Variants in PDE4D observed in about 807,000 individuals in gnomAD.
PDE4D encodes phosphodiesterase 4D.
Under a neutral mutation model 87.4 loss-of-function variants are expected in PDE4D, and 24 were observed. The observed-to-expected ratio is 0.27, with a 90% CI of 0.20 to 0.39. PDE4D has a LOEUF of 0.39. Among genes scored for constraint, PDE4D ranks in the 10% least tolerant of loss-of-function variants. The pLI, the probability that PDE4D is intolerant of heterozygous loss-of-function variation, is 1.00. For missense variants in PDE4D, 714 were observed against 1,041.0 expected (o/e 0.69, Z 4.32); for synonymous variants, 384 against 383.2 (o/e 1.00, Z -0.02).
At chr5:60,241,050 T>A (rs907924408) in intron 1 of PDE4D, among the ~76,000 whole-genome samples, 2 of 151,998 alleles carry the variant, frequency 1.3e-5, no homozygotes, top group South Asian at 4.1e-4. Flanking sequence ...AAACCAAACC[T>A]GGGAAACAGA....
intron 2 of PDE4D, among the ~76,000 whole-genome samples, chr5:60,061,944 A>G (rs974274632): frequency 1.1e-4 from 16 of 152,316 alleles, no homozygotes; most frequent in South Asian, 2.1e-4. Flanking sequence ...TAAATGTAAA[A>G]CCCAAAACCA....
chr5:59,533,569 A>G (rs578180256), intron 1 of PDE4D, among the ~76,000 whole-genome samples: 4 of 152,368 alleles, frequency 2.6e-5, no homozygotes, highest in Admixed American at 2.0e-4. Context: ...GGCGACAACA[A>G]AGCTATTCAT....
chr5:59,923,010 C>T (rs1032184121), intron 3 of PDE4D, among the ~76,000 whole-genome samples: 8 of 152,060 alleles, frequency 5.3e-5, no homozygotes, highest in Non-Finnish European at 1.0e-4. Flanking sequence ...CCTGGTTTCA[C>T]TTACCACAAG....
chr5:59,232,520 A>AAG (rs1179368465), intron 1 of PDE4D, among the ~76,000 whole-genome samples: 1 of 151,694 alleles, frequency 6.6e-6, no homozygotes, highest in East Asian at 1.9e-4. Flanking sequence ...CCAAAAAAAA[A>AAG]AAAAATAGAT....
intron 3 of PDE4D, chr5:59,987,601 G>A (rs1377801719): frequency 6.6e-6 from 1 of 152,114 alleles, no homozygotes; most frequent in Non-Finnish European, 1.5e-5. Flanking sequence ...CCTTTAACTT[G>A]GCAGAGAATG....
intron 1 of PDE4D, among the ~76,000 whole-genome samples, chr5:60,235,216 C>T (rs1746287661): frequency 6.6e-6 from 1 of 151,782 alleles, no homozygotes; most frequent in African/African-American, 2.4e-5. Flanking sequence ...CTGACTAAAC[C>T]TCTAGGACTC....
At chr5:59,476,252 G>T (rs978972101) in intron 1 of PDE4D, among the ~76,000 whole-genome samples, 1 of 152,004 alleles carries the variant, frequency 6.6e-6, no homozygotes, top group South Asian at 2.1e-4. Context: ...TATGTGATGT[G>T]GTGGGAGGGG....
intron 5 of PDE4D, among the ~76,000 whole-genome samples, chr5:59,082,303 C>T (rs1408275454): frequency 6.6e-6 from 1 of 152,100 alleles, no homozygotes; most frequent in Non-Finnish European, 1.5e-5. Context: ...CAAAAAGAAG[C>T]TGTCTCCACT....
At chr5:60,301,679 A>G (rs1753907000) in intron 1 of PDE4D, among the ~76,000 whole-genome samples, 1 of 152,178 alleles carries the variant, frequency 6.6e-6, no homozygotes, top group South Asian at 2.1e-4. Context: ...CTCTCTTCCT[A>G]TTTGAATACC....
At chr5:59,278,005 T>C (rs930445508) in intron 1 of PDE4D, among the ~76,000 whole-genome samples, 1 of 152,102 alleles carries the variant, frequency 6.6e-6, no homozygotes, top group African/African-American at 2.4e-5. Flanking sequence ...CTAACCAGAA[T>C]ACTCAAAGTT....
At chr5:59,417,252 A>G (rs1042244636) in intron 1 of PDE4D, among the ~76,000 whole-genome samples, 1 of 152,214 alleles carries the variant, frequency 6.6e-6, no homozygotes, top group African/African-American at 2.4e-5. Flanking sequence ...TATTGATTAT[A>G]GCAATGAGGT....
Position 60,137,387 on chromosome 5 carries a change from C to T in PDE4D, c.42+48170G>A, listed in dbSNP as rs1404300554. On this transcript the variant is annotated intron_variant, in intron 2 of 16. Coordinates refer to the PDE4D transcript ENST00000502484. ...TAAGGAATTGCCACACTGTCTTCCA[C>T]AATAGTTGAACTAATTTACACTTTC... Among the ~76,000 whole-genome samples the T allele has an allele frequency of 2.6e-5, 4 of 152,180 alleles. No individual in the cohort carries two copies. The East Asian group carries it at 7.7e-4, about 29-fold the overall frequency.
intron 2 of PDE4D, among the ~76,000 whole-genome samples, chr5:60,057,807 T>C (rs766398233): frequency 5.9e-5 from 9 of 151,984 alleles, no homozygotes; most frequent in Non-Finnish European, 1.2e-4. Flanking sequence ...TTGAAGAAAA[T>C]AGAAGTTATA....
intron 2 of PDE4D, among the ~76,000 whole-genome samples, chr5:60,038,096 T>G (rs1768015523): frequency 6.6e-6 from 1 of 152,204 alleles, no homozygotes; most frequent in African/African-American, 2.4e-5. Context: ...CTGATGGTAG[T>G]TTCTTTTGCT....
At chr5:59,408,067 C>T (rs892812237) in intron 1 of PDE4D, among the ~76,000 whole-genome samples, 3 of 152,192 alleles carry the variant, frequency 2.0e-5, no homozygotes, top group African/African-American at 7.2e-5. Context: ...AGAACAAGTG[C>T]TAATAGCCAA....
At chr5:60,260,863 A>G (rs1749576837) in intron 1 of PDE4D, among the ~76,000 whole-genome samples, 1 of 152,144 alleles carries the variant, frequency 6.6e-6, no homozygotes, top group African/African-American at 2.4e-5. Context: ...TGGGAAAGGT[A>G]TAAGAATAGT....
At chr5:60,460,014 C>A in intron 1 of PDE4D, 1 of 1,167,612 alleles carries the variant, frequency 8.6e-7, no homozygotes, top group Non-Finnish European at 1.3e-6. Context: ...TATCGGGAAC[C>A]AAGTAGTACT....
chr5:60,303,303 A>ATTT (rs1754094940), intron 1 of PDE4D, among the ~76,000 whole-genome samples: 1 of 133,014 alleles, frequency 7.5e-6, no homozygotes, highest in African/African-American at 3.3e-5. Context: ...TTATATCTGG[A>ATTT]TTTCTTTTTT....
rs142528751 is a variant in PDE4D at position 59,904,893 on chromosome 5, T to A, written c.272+83595A>T. On this transcript the variant is annotated intron_variant, in intron 3 of 16. Transcript: ENST00000502484. ...TTAAATTTCCAAGTAACTTGGTAAG[T>A]AAAAGAAAAGAAAATAAGAACTTCA... Among the ~76,000 whole-genome samples the A allele has an allele frequency of 5.6e-3, 851 of 152,184 alleles. 13 individuals carry two copies. The highest frequency in any genetic ancestry group is 0.037 in the South Asian group (178 of 4,824).
Sources: allele counts gnomAD v4.1 joint callset (sites outside exome capture counted in the v4.1 genomes callset), GRCh38; gene constraint gnomAD v4.1.1; transcripts MANE v1.5; gene names NCBI Gene and HGNC (gene_info 2026-07-23, HGNC 2026-07-21).